PCDHGB2: variants seen among roughly 807,000 people sequenced by gnomAD.
PCDHGB2 encodes protocadherin gamma-B2.
In PCDHGB2, 55 loss-of-function variants were observed where a neutral mutation model predicts 59.3. The ratio of observed to expected loss-of-function variants is 0.93; its 90% CI spans 0.75 to 1.16. The LOEUF (loss-of-function observed/expected upper bound fraction) is 1.16, where lower values mean the gene tolerates loss of function less well. PCDHGB2 is among the 50% of genes most tolerant of loss of function. The probability of loss-of-function intolerance (pLI) is 0.00; values close to 1 mark genes in which losing one functional copy is unlikely to be tolerated. For missense variants in PCDHGB2, 1,228 were observed against 1,198.5 expected, an observed-to-expected ratio of 1.02 and a Z score of -0.36; for synonymous variants, 516 against 512.0, an observed-to-expected ratio of 1.01 and a Z score of -0.11.
At chr5:141,467,582 TGCCATTTATTAA>T (rs2099146610) in intron 1 of PCDHGB2, among the ~76,000 whole-genome samples, 2 of 152,216 alleles carry the variant, frequency 1.3e-5, no homozygotes, top group Non-Finnish European at 1.5e-5. Context: ...GTTGTCCCAA[TGCCATTTATTAA>T]GCACTTCATC....
chr5:141,476,766 T>C lies in PCDHGB2; in HGVS notation c.2422-18041T>C. ...AGTCTCCAGTTAGTGCTGACGGCGT[T>C]GGACGGAGGGACCCCAGCTCTCTCC... On this transcript the variant is annotated intron_variant, in intron 1 of 3. Coordinates refer to ENST00000522605, the MANE Select transcript of PCDHGB2 (RefSeq NM_018923.3). This position sits in a 1 kb window ranked among gnomAD's most constrained non-coding sequence, Gnocchi z 7.6. The C allele has an allele frequency of 1.9e-6, 3 of 1,613,626 alleles. No individual in the cohort carries two copies. The highest frequency in any genetic ancestry group is 2.5e-6 in the Non-Finnish European group (3 of 1,179,952).
chr5:141,451,443 C>A (rs1184838490), intron 1 of PCDHGB2, among the ~76,000 whole-genome samples: 1 of 152,176 alleles, frequency 6.6e-6, no homozygotes, highest in Non-Finnish European at 1.5e-5. Context: ...CAGTTCCTTG[C>A]TGGTTGTTAG....
At chr5:141,457,568 T>A (rs1397626206) in intron 1 of PCDHGB2, among the ~76,000 whole-genome samples, 1 of 152,190 alleles carries the variant, frequency 6.6e-6, no homozygotes, top group African/African-American at 2.4e-5. Context: ...TGGAGCAAAA[T>A]TTTTCTCTCC....
At chr5:141,508,383 T>C (rs1169318572) in intron 3 of PCDHGB2, 1 of 152,236 alleles carries the variant, frequency 6.6e-6, no homozygotes, top group Non-Finnish European at 1.5e-5. Flanking sequence ...CTCAGATTTA[T>C]AGATGGGAAA....
At position 141,432,942 on chromosome 5, in the gene PCDHGB2, C is replaced by G. The variant is rs1346694514; in HGVS notation, c.2422-61865C>G. ...CACAAGTCACGCCTGCTGCAGGCTT[C>G]AGGAGGCGGCTTGACAGGAGCGCCG... On this transcript the variant is annotated intron_variant, in intron 1 of 3. Coordinates refer to ENST00000522605, the MANE Select transcript of PCDHGB2 (RefSeq NM_018923.3). The surrounding 1 kb of genome is among the most constrained non-coding windows in gnomAD (Gnocchi z 6.0). The G allele has an allele frequency of 1.2e-6, 2 of 1,614,190 alleles. No individual in the cohort carries two copies. Among genetic ancestry groups the G allele is most frequent in the Non-Finnish European group, 1.7e-6 (2 of 1,180,036 alleles).
At chr5:141,441,730 A>ATGGT in intron 1 of PCDHGB2, 1 of 362,748 alleles carries the variant, frequency 2.8e-6, no homozygotes, top group South Asian at 2.2e-5. Flanking sequence ...CGCGACCAGG[A>ATGGT]CTAGCTCGCG....
At chr5:141,419,523 G>C in intron 1 of PCDHGB2, 1 of 1,612,204 alleles carries the variant, frequency 6.2e-7, no homozygotes, top group Non-Finnish European at 8.5e-7. Flanking sequence ...GTGGGCGACC[G>C]TAACGACAAC....
At chr5:141,392,593 C>G (rs986653235) in intron 1 of PCDHGB2, 2 of 494,194 alleles carry the variant, frequency 4.0e-6, no homozygotes, top group Non-Finnish European at 7.1e-6. Context: ...CCGCTGTTCA[C>G]CTACTGGAAG....
At chr5:141,383,860 G>T (rs772168555) in intron 1 of PCDHGB2, 11 of 1,613,926 alleles carry the variant, frequency 6.8e-6, no homozygotes, top group Non-Finnish European at 9.3e-6. Flanking sequence ...GGAGGTTCAG[G>T]CTCAAGATGG....
At chr5:141,391,397 C>T (rs1341257748) in intron 1 of PCDHGB2, 1 of 151,598 alleles carries the variant, frequency 6.6e-6, no homozygotes, top group African/African-American at 2.4e-5. Flanking sequence ...CCTCCAGCCT[C>T]AAACTCCTGG....
In PCDHGB2 at chr5:141,511,106, G is replaced by A. The variant is rs536900646; in HGVS notation, c.2729G>A (p.Arg910Gln). 4.6e-5 allele frequency: 75 copies of A among 1,614,196 alleles called. No individual in the cohort carries two copies. In the East Asian group the frequency reaches 5.8e-4, roughly 12 times the overall value. Reference protein sequence around the residue: ...NATLTNAAGKRDGKAPAGGNG... With the variant: ...NATLTNAAGKQDGKAPAGGNG... ...ACACTGACCAACGCAGCTGGCAAGC[G>A]GGATGGCAAGGCCCCAGCAGGTGGC... The change falls in exon 4 of 4, where the codon CGG (arginine) becomes CAG (glutamine). Residue 910 changes from arginine (R) to glutamine (Q), a missense_variant. Around this residue, in one of 3 missense-constraint regions of PCDHGB2, gnomAD observed 433 missense variants for 441.8 expected, o/e 0.98. Coordinates refer to ENST00000522605, the MANE Select transcript of PCDHGB2 (RefSeq NM_018923.3).
intron 1 of PCDHGB2, chr5:141,366,096 C>A (rs763995838): frequency 5.6e-6 from 9 of 1,614,108 alleles, no homozygotes; most frequent in Middle Eastern, 1.6e-4. Context: ...TACCTGGTGA[C>A]CAAGGTGGTA....
chr5:141,390,286 G>A (rs1043842292), intron 1 of PCDHGB2: 2 of 1,613,848 alleles, frequency 1.2e-6, no homozygotes, highest in Non-Finnish European at 1.7e-6. Flanking sequence ...CATCAGGTGA[G>A]TTTCCTTTAA....
chr5:141,389,124 C>T (rs2091613941), intron 1 of PCDHGB2: 2 of 1,613,878 alleles, frequency 1.2e-6, no homozygotes, highest in South Asian at 2.2e-5. Context: ...CGAGCAGAAT[C>T]CAGAGTACAA....
intron 1 of PCDHGB2, among the ~76,000 whole-genome samples, chr5:141,382,474 A>G (rs1436988724): frequency 6.6e-6 from 1 of 152,244 alleles, no homozygotes; most frequent in East Asian, 1.9e-4. Context: ...AAAATTATCT[A>G]AGATTATCAA....
intron 1 of PCDHGB2, among the ~76,000 whole-genome samples, chr5:141,494,100 G>T (rs559145191): frequency 6.6e-6 from 1 of 152,152 alleles, no homozygotes; most frequent in Non-Finnish European, 1.5e-5. Flanking sequence ...ATTTTTCTCC[G>T]TCTCAGACAG....
At chr5:141,371,459 T>C in intron 1 of PCDHGB2, 1 of 1,613,970 alleles carries the variant, frequency 6.2e-7, no homozygotes, top group Non-Finnish European at 8.5e-7. Context: ...AATCCCAACA[T>C]ATACAAGAAG....
At position 141,485,413 on chromosome 5, in the gene PCDHGB2, C is replaced by T; in HGVS notation, c.2422-9394C>T. ...AAAGACACTTCCGTGTGGATTTGGA[C>T]AGCGGAGCCCTGCTCATCAAGAACC... On this transcript the variant is annotated intron_variant, in intron 1 of 3. Transcript: ENST00000522605. The surrounding 1 kb of genome is among the most constrained non-coding windows in gnomAD (Gnocchi z 5.7). The T allele has an allele frequency of 6.2e-7, 1 of 1,614,158 alleles. No individual in the cohort carries two copies. The highest frequency in any genetic ancestry group is 8.5e-7 in the Non-Finnish European group (1 of 1,180,030).
At chr5:141,397,216 T>C (rs772120141) in intron 1 of PCDHGB2, among the ~76,000 whole-genome samples, 32 of 152,186 alleles carry the variant, frequency 2.1e-4, no homozygotes, top group Non-Finnish European at 4.1e-4. Context: ...AGAGAAGTAT[T>C]TTGAGATATG....
Sources: allele counts gnomAD v4.1 joint callset (sites outside exome capture counted in the v4.1 genomes callset), GRCh38; gene constraint gnomAD v4.1.1; regional missense constraint gnomAD v4.1.1; non-coding constraint Gnocchi (gnomAD v3.1); transcripts MANE v1.5; gene names NCBI Gene and HGNC (gene_info 2026-07-23, HGNC 2026-07-21).